The following LRFN5 variants were observed in gnomAD, a reference collection of about 807,000 sequenced individuals.
LRFN5 encodes the protein leucine-rich repeat and fibronectin type-III domain-containing protein 5.
In LRFN5, 24 loss-of-function variants were observed where a neutral mutation model predicts 45.6. The ratio of observed to expected loss-of-function variants is 0.53; its 90% CI spans 0.38 to 0.74. LRFN5 has a LOEUF of 0.74. LRFN5 is among the 30% of genes least tolerant of loss of function. The pLI, the probability that LRFN5 is intolerant of heterozygous loss-of-function variation, is 0.00. For synonymous variants in LRFN5, 340 were observed against 313.8 expected (o/e 1.08, Z -0.88); for missense variants, 776 against 861.5 (o/e 0.90, Z 1.24).
chr14:41,829,779 CTT>C (rs1327542819), intron 2 of LRFN5, among the ~76,000 whole-genome samples: 4 of 151,286 alleles, frequency 2.6e-5, no homozygotes, highest in Non-Finnish European at 5.9e-5. Context: ...GATTCCACAC[CTT>C]TTTTTAGTAA....
intron 2 of LRFN5, among the ~76,000 whole-genome samples, chr14:41,803,164 C>G (rs1295193227): frequency 6.6e-6 from 1 of 152,062 alleles, no homozygotes; most frequent in East Asian, 1.9e-4. Context: ...TAAATCATAG[C>G]AGGTATGAAT....
intron 1 of LRFN5, among the ~76,000 whole-genome samples, chr14:41,681,593 A>AG (rs1881884064): frequency 6.6e-6 from 1 of 152,034 alleles, no homozygotes; most frequent in African/African-American, 2.4e-5. Context: ...GATGAACGAA[A>AG]GCCAAGGGAT....
chr14:41,774,393 T>G (rs984730526), intron 2 of LRFN5, among the ~76,000 whole-genome samples: 1 of 152,178 alleles, frequency 6.6e-6, no homozygotes, highest in Non-Finnish European at 1.5e-5. Flanking sequence ...AAACAGAATA[T>G]AGGAGCCTTT....
intron 1 of LRFN5, among the ~76,000 whole-genome samples, chr14:41,664,334 A>G (rs770402425): frequency 1.3e-5 from 2 of 151,962 alleles, no homozygotes; most frequent in African/African-American, 2.4e-5. Flanking sequence ...GATATTGCTT[A>G]TATCAATTTT....
At chr14:41,693,600 C>T (rs1354727988) in intron 1 of LRFN5, among the ~76,000 whole-genome samples, 1 of 151,712 alleles carries the variant, frequency 6.6e-6, no homozygotes, top group Non-Finnish European at 1.5e-5. Flanking sequence ...TTTCATCTTC[C>T]AATTGTTCCT....
At chr14:41,781,401 T>C (rs745949513) in intron 2 of LRFN5, among the ~76,000 whole-genome samples, 12 of 151,588 alleles carry the variant, frequency 7.9e-5, no homozygotes, top group African/African-American at 2.7e-4. Context: ...GGGAGGCTGA[T>C]CTGGTAGGAT....
chr14:41,792,475 C>T (rs1428360159), intron 2 of LRFN5, among the ~76,000 whole-genome samples: 3 of 151,966 alleles, frequency 2.0e-5, no homozygotes, highest in Admixed American at 6.6e-5. Flanking sequence ...GTCCTTATCT[C>T]AACCACATAA....
chr14:41,740,268 T>C (rs1025946322), intron 1 of LRFN5, among the ~76,000 whole-genome samples: 1 of 151,968 alleles, frequency 6.6e-6, no homozygotes, highest in African/African-American at 2.4e-5. Flanking sequence ...CCAAAATCCC[T>C]GATAAATATG....
intron 1 of LRFN5, among the ~76,000 whole-genome samples, chr14:41,660,297 A>C (rs1880586974): frequency 6.6e-6 from 1 of 152,068 alleles, no homozygotes; most frequent in South Asian, 2.1e-4. Flanking sequence ...AAGTTCTGGG[A>C]TTACAGGTGT....
chr14:41,686,588 A>C (rs1186058990), intron 1 of LRFN5, among the ~76,000 whole-genome samples: 1 of 151,982 alleles, frequency 6.6e-6, no homozygotes, highest in Non-Finnish European at 1.5e-5. Context: ...ATTCAATATG[A>C]TATTGGCTGT....
rs745616626 is a variant in LRFN5 at position 41,891,627 on chromosome 14, C to T, written c.1763C>T (p.Ser588Phe). The part of the protein sequence containing the change: ...IQGCSVTLPQ[S>F]VSKQAVGHEE... ...GGCTGTAGTGTAACGCTGCCCCAGT[C>T]CGTGTCCAAACAAGCTGTGGGACAC... is the stretch of plus-strand genomic sequence containing the variant. The change falls in exon 4 of 6, where the codon TCC (serine) becomes TTC (phenylalanine). Residue 588 changes from serine to phenylalanine, a missense_variant. Transcript: ENST00000298119. The T allele has an allele frequency of 3.1e-6, 5 of 1,614,076 alleles. No individual in the cohort carries two copies. In the African/African-American group the frequency reaches 5.3e-5, roughly 17 times the overall value.
intron 2 of LRFN5, among the ~76,000 whole-genome samples, chr14:41,869,843 C>T (rs546350932): frequency 1.8e-3 from 279 of 152,190 alleles, no homozygotes; most frequent in African/African-American, 6.5e-3. Context: ...CTGGGTCCCT[C>T]GCATGACACA....
intron 2 of LRFN5, among the ~76,000 whole-genome samples, chr14:41,836,511 T>G (rs1241238328): frequency 6.6e-6 from 1 of 152,152 alleles, no homozygotes; most frequent in Non-Finnish European, 1.5e-5. Flanking sequence ...AATACATGCA[T>G]GTTTGTATTT....
chr14:41,724,537 C>T (rs1316116887), intron 1 of LRFN5, among the ~76,000 whole-genome samples: 1 of 152,012 alleles, frequency 6.6e-6, no homozygotes, highest in Admixed American at 6.6e-5. Context: ...AAAAACTGTT[C>T]ATAAGCTCAT....
At chr14:41,609,264 C>G (rs967649394) in intron 1 of LRFN5, among the ~76,000 whole-genome samples, 1 of 152,026 alleles carries the variant, frequency 6.6e-6, no homozygotes, top group Non-Finnish European at 1.5e-5. Flanking sequence ...CACCACCCAA[C>G]ATTCTCTCCA....
chr14:41,791,390 C>A (rs781049565), intron 2 of LRFN5, among the ~76,000 whole-genome samples: 9 of 151,966 alleles, frequency 5.9e-5, no homozygotes, highest in Non-Finnish European at 1.3e-4. Flanking sequence ...CCTGTCTCCT[C>A]AGCATAATGA....
chr14:41,784,368 A>G (rs1202800615), intron 2 of LRFN5, among the ~76,000 whole-genome samples: 1 of 151,930 alleles, frequency 6.6e-6, no homozygotes, highest in East Asian at 1.9e-4. Context: ...TTAGGTTTTC[A>G]TGACCTTTTT....
At chr14:41,717,930 G>A (rs569295615) in intron 1 of LRFN5, among the ~76,000 whole-genome samples, 1 of 152,164 alleles carries the variant, frequency 6.6e-6, no homozygotes, top group East Asian at 1.9e-4. Flanking sequence ...TACACCCATG[G>A]GCTGGCTCTT....
intron 1 of LRFN5, among the ~76,000 whole-genome samples, chr14:41,613,601 T>C (rs2138542331): frequency 6.6e-6 from 1 of 152,046 alleles, no homozygotes; most frequent in South Asian, 2.1e-4. Flanking sequence ...TGTAGAATTT[T>C]GATAGAAAAT....
Sources: allele counts gnomAD v4.1 joint callset (sites outside exome capture counted in the v4.1 genomes callset), GRCh38; gene constraint gnomAD v4.1.1; transcripts MANE v1.5; gene names NCBI Gene and HGNC (gene_info 2026-07-23, HGNC 2026-07-21).